Variants in NXPH2 observed in about 807,000 individuals in gnomAD.
The protein encoded by NXPH2 is neurexophilin-2.
NXPH2 carries 5 observed loss-of-function variants against 19.8 expected under a neutral mutation model. The observed-to-expected ratio is 0.25, with a 90% CI of 0.13 to 0.53. The LOEUF (loss-of-function observed/expected upper bound fraction) is 0.53, where lower values mean the gene tolerates loss of function less well. NXPH2 is among the 20% of genes least tolerant of loss of function. The pLI, the probability that NXPH2 is intolerant of heterozygous loss-of-function variation, is 0.96. For missense variants in NXPH2, 289 were observed against 322.8 expected, an observed-to-expected ratio of 0.90 and a Z score of 0.80; for synonymous variants, 154 against 127.4, an observed-to-expected ratio of 1.21 and a Z score of -1.41.
rs1010220190 is a variant in NXPH2 at position 138,768,752 on chromosome 2, G to T, written c.51+11439C>A. Among the ~76,000 whole-genome samples, 3 of 152,166 alleles carry T rather than the reference G, an allele frequency of 2.0e-5. No individual in the cohort carries two copies. The South Asian group carries it at 6.2e-4, about 32-fold the overall frequency. On this transcript the variant is annotated intron_variant, in intron 1 of 1. Transcript: ENST00000272641. Reference sequence around the variant, plus strand: ...ACCCTAAGTTAATACAGATGGAAAGGAAACTGTCATTTGTTAAGCTAATGT... The same window carrying T: ...ACCCTAAGTTAATACAGATGGAAAGTAAACTGTCATTTGTTAAGCTAATGT...
chr2:138,698,457 A>G (rs532614033), intron 1 of NXPH2, among the ~76,000 whole-genome samples: 62 of 152,302 alleles, frequency 4.1e-4, no homozygotes, highest in African/African-American at 1.4e-3. Context: ...TTTTGAAAGA[A>G]GTCAATAATA....
intron 1 of NXPH2, among the ~76,000 whole-genome samples, chr2:138,743,348 T>G (rs1681674613): frequency 6.6e-6 from 1 of 152,246 alleles, no homozygotes. Flanking sequence ...ATTCAGTTAT[T>G]TTTAAAATGA....
intron 1 of NXPH2, among the ~76,000 whole-genome samples, chr2:138,684,415 A>T (rs1558912952): frequency 6.6e-6 from 1 of 152,180 alleles, no homozygotes; most frequent in Non-Finnish European, 1.5e-5. Context: ...AGAAAATGAA[A>T]CTAAGAAAAC....
rs1173962264 is a variant in NXPH2, at chr2:138,736,287, T to C, written c.51+43904A>G. Among the ~76,000 whole-genome samples the C allele has an allele frequency of 3.9e-5, 6 of 152,366 alleles. No homozygotes were observed. The East Asian group carries it at 9.6e-4, about 24-fold the overall frequency. On this transcript the variant is annotated intron_variant, in intron 1 of 1. Coordinates refer to ENST00000272641, the MANE Select transcript of NXPH2 (RefSeq NM_007226.3). The stretch of plus-strand genomic sequence containing the variant: ...CCCACCCTTGCAGCAAACTTCTGCC[T>C]GGGCATCCAAGCATTTCCATACATC...
chr2:138,773,958 C>T (rs1682218255), intron 1 of NXPH2, among the ~76,000 whole-genome samples: 1 of 152,098 alleles, frequency 6.6e-6, no homozygotes, highest in African/African-American at 2.4e-5. Flanking sequence ...TCTCACATGC[C>T]AGTTTTTTTG....
chr2:138,764,808 C>T (rs1370172276), intron 1 of NXPH2, among the ~76,000 whole-genome samples: 2 of 152,154 alleles, frequency 1.3e-5, no homozygotes, highest in Non-Finnish European at 2.9e-5. Context: ...AACTCTCATT[C>T]TTAAAAATAC....
At chr2:138,692,897 G>T (rs1282052133) in intron 1 of NXPH2, among the ~76,000 whole-genome samples, 1 of 152,140 alleles carries the variant, frequency 6.6e-6, no homozygotes, top group Non-Finnish European at 1.5e-5. Context: ...TCAGTCAGTT[G>T]TCAGAATCTC....
At chr2:138,694,847 G>A (rs1680805448) in intron 1 of NXPH2, among the ~76,000 whole-genome samples, 1 of 152,138 alleles carries the variant, frequency 6.6e-6, no homozygotes. Context: ...AGAACGTATT[G>A]CTCCCAGATT....
chr2:138,696,514 G>A (rs748997300), intron 1 of NXPH2, among the ~76,000 whole-genome samples: 9 of 152,136 alleles, frequency 5.9e-5, no homozygotes, highest in Non-Finnish European at 1.0e-4. Context: ...CATCTCATTA[G>A]TCATCAGGGA....
intron 1 of NXPH2, among the ~76,000 whole-genome samples, chr2:138,730,921 GA>G (rs898446851): frequency 1.3e-5 from 2 of 152,090 alleles, no homozygotes; most frequent in Admixed American, 6.5e-5. Context: ...GGTCTTCACA[GA>G]GGCTCTTTGC....
chr2:138,673,806 T>A (rs1328857053), intron 1 of NXPH2, among the ~76,000 whole-genome samples: 15 of 151,856 alleles, frequency 9.9e-5, no homozygotes, highest in Non-Finnish European at 1.3e-4. Context: ...TCTAACTGTG[T>A]TTGTACTCAT....
chr2:138,725,818 T>C (rs557171179), intron 1 of NXPH2, among the ~76,000 whole-genome samples: 1 of 152,350 alleles, frequency 6.6e-6, no homozygotes, highest in East Asian at 1.9e-4. Flanking sequence ...ATCCATTTAC[T>C]GTATGTAAAG....
At chr2:138,749,425 T>C (rs1681792755) in intron 1 of NXPH2, among the ~76,000 whole-genome samples, 1 of 152,180 alleles carries the variant, frequency 6.6e-6, no homozygotes, top group Admixed American at 6.6e-5. Context: ...TGATATACCT[T>C]TATGTTTATA....
chr2:138,695,349 C>G (rs908817627), intron 1 of NXPH2, among the ~76,000 whole-genome samples: 1 of 152,038 alleles, frequency 6.6e-6, no homozygotes, highest in Admixed American at 6.6e-5. Context: ...GTAGGAATAG[C>G]CTTAGCAAGA....
chr2:138,671,607 T>A lies in NXPH2; in HGVS notation c.110A>T (p.Lys37Ile). The change falls in exon 2 of 2, where the codon AAA becomes ATA. Residue 37 changes from lysine to isoleucine, a missense_variant. By Grantham distance (102) the Lys-to-Ile change is moderately radical. Coordinates refer to ENST00000272641, the MANE Select transcript of NXPH2 (RefSeq NM_007226.3). ...HATEGLDWED[K>I]DAPGTLVGNV... ...GCCGACCAACGTCCCTGGAGCATCT[T>A]TGTCTTCCCAATCCAGCCCCTCCGT... 6.2e-7 allele frequency: 1 copy of A among 1,609,262 alleles called. No homozygotes were observed.
chr2:138,700,373 G>A (rs1199092458), intron 1 of NXPH2, among the ~76,000 whole-genome samples: 1 of 152,048 alleles, frequency 6.6e-6, no homozygotes, highest in Non-Finnish European at 1.5e-5. Context: ...TCGACATCTG[G>A]TGCTGAAAAT....
At chr2:138,699,455 A>G (rs146103385) in intron 1 of NXPH2, among the ~76,000 whole-genome samples, 13 of 152,264 alleles carry the variant, frequency 8.5e-5, no homozygotes, top group Non-Finnish European at 1.6e-4. Flanking sequence ...ATTAAGAATC[A>G]TCCTTAACAG....
intron 1 of NXPH2, among the ~76,000 whole-genome samples, chr2:138,728,037 C>T (rs1424733860): frequency 6.6e-6 from 1 of 152,108 alleles, no homozygotes; most frequent in African/African-American, 2.4e-5. Context: ...CACTGTGTTC[C>T]CTCCAAATTC....
At chr2:138,721,575 A>G (rs1048681815) in intron 1 of NXPH2, among the ~76,000 whole-genome samples, 7 of 152,148 alleles carry the variant, frequency 4.6e-5, no homozygotes, top group Non-Finnish European at 8.8e-5. Flanking sequence ...CTGTGTGGTA[A>G]AACTGTAGGC....
Sources: gnomAD v4.1 joint callset for allele counts (sites outside exome capture counted in the v4.1 genomes callset) on GRCh38, gnomAD v4.1.1 for gene constraint, MANE v1.5 for transcripts, NCBI Gene and HGNC (gene_info 2026-07-23, HGNC 2026-07-21) for gene names.